ELK1: variants seen among roughly 807,000 people sequenced by gnomAD.
ELK1 encodes the protein ETS domain-containing protein Elk-1.
For synonymous variants in ELK1, 163 were observed against 176.3 expected, an observed-to-expected ratio of 0.92 and a Z score of 0.60; for missense variants, 254 against 381.5, an observed-to-expected ratio of 0.67 and a Z score of 2.78.
In ELK1 at chrX:47,639,213, T is replaced by C; in HGVS notation, c.336A>G (p.Pro112=). 1 of 1,210,016 alleles carries C rather than the reference T, an allele frequency of 8.3e-7. No homozygotes were observed. Among genetic ancestry groups the C allele is most frequent in the Non-Finnish European group, 1.1e-6 (1 of 894,583 alleles). ...CATGTATAGCAGCAGGGGCCACATT[T>C]GGCATGGTGGAGGTAACAGACACCT... ...QPEVSVTSTM[P]NVAPAAIHAA... The change falls in exon 4 of 7, where the codon CCA becomes CCG. Residue 112 remains proline (P), a synonymous_variant. Transcript: ENST00000376983.
chrX:47,645,398 T>C (rs2058040402), intron 2 of ELK1, among the ~76,000 whole-genome samples: 1 of 111,981 alleles, frequency 8.9e-6, no homozygotes, highest in Non-Finnish European at 1.9e-5. Context: ...AGAAGTAACC[T>C]GCCCCAAGTC....
rs1293168168 is a variant in ELK1 at position 47,636,200 on chromosome X, T to C, written c.*629A>G. 9.0e-6 allele frequency: 1 copy of C among 111,662 alleles called. No individual in the cohort carries two copies. Among genetic ancestry groups the C allele is most frequent in the Non-Finnish European group, 1.9e-5 (1 of 52,991 alleles). 9.2% of individuals were successfully genotyped at this position (111,662 alleles called of 1,213,427 possible). On this transcript the variant is annotated 3_prime_UTR_variant, in exon 7 of 7. Coordinates refer to ENST00000376983, the MANE Select transcript of ELK1 (RefSeq NM_001114123.3). Reference sequence around the variant, plus strand: ...CATTCCTCCCTGGCCAAAAAGTTGGTTGAAAAGGATAAGCTGTCTGAGAGA... The same window carrying C: ...CATTCCTCCCTGGCCAAAAAGTTGGCTGAAAAGGATAAGCTGTCTGAGAGA...
chrX:47,649,158 C>T (rs1374316140), intron 2 of ELK1: 1 of 111,646 alleles, frequency 9.0e-6, no homozygotes, highest in African/African-American at 3.3e-5. Context: ...ATATGAAACA[C>T]TCTGCCTGAT....
At chrX:47,650,586 C>T (rs906236174), upstream of ELK1, 3 of 286,003 alleles carry the variant, frequency 1.0e-5, no homozygotes, top group Non-Finnish European at 2.0e-5. Flanking sequence ...CGTTTCCCTA[C>T]AGCTCACGTG....
At position 47,650,563 on chromosome X, in the gene ELK1, G is replaced by T; in HGVS notation, c.-281C>A. 1 of 309,320 alleles carries T rather than the reference G, an allele frequency of 3.2e-6. No individual in the cohort carries two copies. The highest frequency in any genetic ancestry group is 4.4e-5 in the Admixed American group (1 of 22,779). The allele number at this position is 309,320 out of a possible 1,213,427, so 25.5% of individuals were successfully genotyped here. On this transcript the variant is annotated 5_prime_UTR_variant, in exon 1 of 7. Transcript: ENST00000376983. ...GTGGCGGTGGCGGCGGCAGCACCTA[G>T]AAGCCGCCCCTGCGTTTCCCTACAG... is the stretch of plus-strand genomic sequence containing the variant.
intron 2 of ELK1, 146 bp from the exon 3 acceptor site, chrX:47,641,621 T>G: frequency 2.1e-6 from 1 of 471,979 alleles, no homozygotes; most frequent in Non-Finnish European, 3.6e-6. Context: ...GACTAACTTC[T>G]AGCTCCCCAG....
At chrX:47,641,153 G>C in intron 3 of ELK1, 79 bp downstream of exon 3, 1 of 1,087,366 alleles carries the variant, frequency 9.2e-7, no homozygotes, top group Non-Finnish European at 1.3e-6. Context: ...CAAAGTCATA[G>C]CTATGGCAAT....
rs916262539 is a variant in ELK1 at position 47,636,727 on chromosome X, G to A, written c.*102C>T. On this transcript the variant is annotated 3_prime_UTR_variant, in exon 7 of 7. Coordinates refer to ENST00000376983, the MANE Select transcript of ELK1 (RefSeq NM_001114123.3). ...GGATCCCCACCCCACCACAATCAGA[G>A]CATGAGTCTTTCAGTTGAACTATGT... 7.4e-6 allele frequency: 6 copies of A among 812,440 alleles called. No homozygotes were observed. The highest frequency in any genetic ancestry group is 8.6e-6 in the Non-Finnish European group (5 of 582,753). The allele number at this position is 812,440 out of a possible 1,213,427, so 67.0% of individuals were successfully genotyped here.
chrX:47,650,282 C>G, intron 1 of ELK1, 141 bp downstream of exon 1: 2 of 212,631 alleles, frequency 9.4e-6, no homozygotes. Flanking sequence ...CAATGCCACA[C>G]GCAGGTCCAC....
rs1314983356 is a variant in ELK1 at position 47,638,323 on chromosome X, CAGGACAT to C, written c.655-148_655-142del. On this transcript the variant is annotated intron_variant, in intron 4 of 6. Transcript: ENST00000376983. ...CTGCACATCAGAGCAAGTCCTCCAA[CAGGACAT>C]AGGACTTCGTCAAGGAAGTAGGGCT... 1.7e-5 allele frequency: 13 copies of C among 776,308 alleles called. No homozygotes were observed. In the African/African-American group the frequency reaches 2.3e-4, roughly 14 times the overall value. 64.0% of individuals were successfully genotyped at this position (776,308 alleles called of 1,213,427 possible). A position where few individuals can be genotyped will look rare whatever the true frequency, so the allele number is the denominator to read the frequency against.
At chrX:47,648,918 A>C (rs2058051412) in intron 2 of ELK1, 1 of 111,059 alleles carries the variant, frequency 9.0e-6, no homozygotes, top group South Asian at 3.8e-4. Flanking sequence ...ACTGCTCTGC[A>C]GGCAGAGGGA....
chrX:47,639,412 AG>A (rs1299576018), intron 3 of ELK1, 74 bp from the exon 4 acceptor site: 10 of 397,280 alleles, frequency 2.5e-5, no homozygotes, highest in Admixed American at 1.4e-4. Flanking sequence ...AGGGGGGAGG[AG>A]GGGGGTGGAG....
In ELK1 at chrX:47,638,971, G is replaced by C. The variant is rs1417022392; in HGVS notation, c.578C>G (p.Pro193Arg). ...TGGACTGGTGCTCCTGCTCCCCGAG[G>C]GGGGCGCTGCTGCCCCTGCAGGAGC... ...SAAPAGAAAPPSGSRSTSPSP... is the reference protein window; with the variant it reads ...SAAPAGAAAPRSGSRSTSPSP... The change falls in exon 4 of 7, where the codon CCC becomes CGC. Residue 193 changes from proline to arginine, a missense_variant. Pro to Arg is a moderately radical substitution (Grantham distance 103, BLOSUM62 -2). Coordinates refer to ENST00000376983, the MANE Select transcript of ELK1 (RefSeq NM_001114123.3). 1.8e-5 allele frequency: 22 copies of C among 1,199,816 alleles called. No individual in the cohort carries two copies. Among genetic ancestry groups the C allele is most frequent in the Non-Finnish European group, 2.4e-5 (21 of 889,903 alleles).
In ELK1 at chrX:47,639,291, C is replaced by G. The variant is rs2058020978; in HGVS notation, c.258G>C (p.Val86=). Residue 86 remains valine (V), a synonymous_variant, in exon 4 of 7, where the codon GTG becomes GTC. Coordinates refer to ENST00000376983, the MANE Select transcript of ELK1 (RefSeq NM_001114123.3). ...AGCACCCTGCGACCTCAGGGTAGGA[C>G]ACAAACTTGTAGACGAACTTCTGGC... is the stretch of plus-strand genomic sequence containing the variant. The part of the protein sequence containing the change: ...VSGQKFVYKF[V]SYPEVAGCST... 8.3e-7 allele frequency: 1 copy of G among 1,207,393 alleles called. No homozygotes were observed. The highest frequency in any genetic ancestry group is 1.8e-5 in the African/African-American group (1 of 56,731).
intron 2 of ELK1, among the ~76,000 whole-genome samples, chrX:47,644,727 G>A (rs1397225123): frequency 9.0e-6 from 1 of 110,561 alleles, no homozygotes; most frequent in Non-Finnish European, 1.9e-5. Context: ...ATGGGGAGAG[G>A]AGGCTGACAT....
At chrX:47,644,782 T>C (rs1354268809) in intron 2 of ELK1, among the ~76,000 whole-genome samples, 1 of 108,851 alleles carries the variant, frequency 9.2e-6, no homozygotes, top group African/African-American at 3.4e-5. Flanking sequence ...GAGAACAGAG[T>C]GACGGGGGCC....
Position 47,638,061 on chromosome X carries a change from A to G in ELK1, c.776T>C (p.Val259Ala). The G allele has an allele frequency of 8.3e-7, 1 of 1,211,079 alleles. No homozygotes were observed. The highest frequency in any genetic ancestry group is 1.1e-6 in the Non-Finnish European group (1 of 895,350). Reference sequence around the variant, plus strand: ...TGGCACAAACCCTCTCTCCCCCGCAACTTCCAACTCTTCCTTGGGCCCTTC... The same window carrying G: ...TGGCACAAACCCTCTCTCCCCCGCAGCTTCCAACTCTTCCTTGGGCCCTTC... Reference protein sequence around the residue: ...KVEGPKEELEVAGERGFVPET... With the variant: ...KVEGPKEELEAAGERGFVPET... The change falls in exon 5 of 7, where the codon GTT (valine) becomes GCT (alanine). Residue 259 changes from valine (V) to alanine (A), a missense_variant. Coordinates refer to ENST00000376983, the MANE Select transcript of ELK1 (RefSeq NM_001114123.3).
intron 3 of ELK1, among the ~76,000 whole-genome samples, chrX:47,640,527 C>CT (rs2058024942): frequency 9.1e-6 from 1 of 110,328 alleles, no homozygotes; most frequent in Non-Finnish European, 1.9e-5. Flanking sequence ...CAGCAGTGGC[C>CT]TGGGGGTCTG....
At position 47,641,467 on chromosome X, in the gene ELK1, C is replaced by A. The variant is rs760222982; in HGVS notation, c.-26G>T. 1 of 1,193,414 alleles carries A rather than the reference C, an allele frequency of 8.4e-7. No homozygotes were observed. Among genetic ancestry groups the A allele is most frequent in the South Asian group, 1.8e-5 (1 of 55,158 alleles). ...CGCTGGGGGAGTGCTCACGCCATCC[C>A]AGGGGTACCTGGAGAGCAAACAGCT... On this transcript the variant is annotated 5_prime_UTR_variant, in exon 3 of 7. Coordinates refer to ENST00000376983, the MANE Select transcript of ELK1 (RefSeq NM_001114123.3).
Sources: allele counts gnomAD v4.1 joint callset (sites outside exome capture counted in the v4.1 genomes callset), GRCh38; gene constraint gnomAD v4.1.1; transcripts MANE v1.5; gene names NCBI Gene and HGNC (gene_info 2026-07-23, HGNC 2026-07-21).